Variants in ZNF385D observed in about 807,000 individuals in gnomAD.
ZNF385D encodes zinc finger protein 385D, also known as zinc finger protein 659.
ZNF385D carries 15 observed loss-of-function variants against 35.8 expected under a neutral mutation model. The observed-to-expected ratio is 0.42, with a 90% CI of 0.28 to 0.64. The LOEUF is 0.64. Among genes scored for constraint, ZNF385D ranks in the 30% least tolerant of loss-of-function variants. The probability of loss-of-function intolerance (pLI) is 0.23; values close to 1 mark genes in which losing one functional copy is unlikely to be tolerated. For synonymous variants in ZNF385D, 212 were observed against 186.8 expected (o/e 1.13, Z -1.10); for missense variants, 474 against 494.6 (o/e 0.96, Z 0.39).
chr3:22,365,917 G>A (rs1696636826), intron 2 of ZNF385D, among the ~76,000 whole-genome samples: 1 of 151,938 alleles, frequency 6.6e-6, no homozygotes, highest in Non-Finnish European at 1.5e-5. Flanking sequence ...TATTCCTGTA[G>A]GATTTATTGT....
Position 21,412,299 on chromosome 3 carries a change from G to A in ZNF385D, c.*8915C>T, listed in dbSNP as rs1047806922. On this transcript the variant is annotated 3_prime_UTR_variant, in exon 8 of 8. Coordinates refer to ENST00000281523, the MANE Select transcript of ZNF385D (RefSeq NM_024697.3). ...AATAGTCATGAGACGTGTTCTGTGAGTCACTACAATTCTCACTTGGCACTT... is the reference window on the plus strand; with the variant it reads ...AATAGTCATGAGACGTGTTCTGTGAATCACTACAATTCTCACTTGGCACTT... The A allele has an allele frequency of 9.9e-5, 15 of 152,028 alleles. No homozygotes were observed. The highest frequency in any genetic ancestry group is 9.8e-4 in the Admixed American group (15 of 15,252). The allele number at this position is 152,028 out of a possible 1,614,324, so 9.4% of individuals were successfully genotyped here.
chr3:22,062,268 C>T (rs999116410), intron 3 of ZNF385D, among the ~76,000 whole-genome samples: 24 of 152,040 alleles, frequency 1.6e-4, no homozygotes, highest in Middle Eastern at 3.4e-3. Flanking sequence ...GTTACCCAGG[C>T]GGACTTAAAC....
chr3:21,927,052 G>C (rs1000677228), intron 3 of ZNF385D, among the ~76,000 whole-genome samples: 1 of 152,086 alleles, frequency 6.6e-6, no homozygotes, highest in African/African-American at 2.4e-5. Flanking sequence ...TGTCATCTTT[G>C]CAGTAATGAG....
chr3:21,828,657 T>G (rs1559666464), intron 3 of ZNF385D, among the ~76,000 whole-genome samples: 1 of 152,206 alleles, frequency 6.6e-6, no homozygotes, highest in Non-Finnish European at 1.5e-5. Flanking sequence ...CCATCTTTGT[T>G]AGTTTCTTTT....
chr3:22,190,533 G>T (rs950666993), intron 2 of ZNF385D, among the ~76,000 whole-genome samples: 1 of 152,144 alleles, frequency 6.6e-6, no homozygotes, highest in South Asian at 2.1e-4. Flanking sequence ...GCAGCCACAA[G>T]TTCATAAAGT....
chr3:22,251,256 T>G (rs1249625090), intron 2 of ZNF385D, among the ~76,000 whole-genome samples: 1 of 152,154 alleles, frequency 6.6e-6, no homozygotes, highest in Non-Finnish European at 1.5e-5. Context: ...TTTACATAGG[T>G]GTCTACTGTA....
At chr3:22,266,196 T>A (rs553941248) in intron 2 of ZNF385D, among the ~76,000 whole-genome samples, 3 of 152,084 alleles carry the variant, frequency 2.0e-5, no homozygotes, top group South Asian at 2.1e-4. Context: ...ATTGTCTCTC[T>A]TGTTTGGAAG....
intron 3 of ZNF385D, among the ~76,000 whole-genome samples, chr3:21,850,475 T>A (rs1696314341): frequency 6.6e-6 from 1 of 152,074 alleles, no homozygotes; most frequent in Non-Finnish European, 1.5e-5. Context: ...TAGCCTGGAA[T>A]TTGTGAGGCA....
At chr3:22,024,746 T>C (rs544181914) in intron 3 of ZNF385D, among the ~76,000 whole-genome samples, 11 of 152,216 alleles carry the variant, frequency 7.2e-5, no homozygotes, top group Middle Eastern at 3.4e-3. Context: ...ATACATAATA[T>C]TTTTGACCAT....
chr3:21,737,853 G>T (rs2069320612), intron 1 of ZNF385D, among the ~76,000 whole-genome samples: 1 of 152,178 alleles, frequency 6.6e-6, no homozygotes, highest in African/African-American at 2.4e-5. Flanking sequence ...GCTCCATTTG[G>T]AAGAGTATGG....
intron 2 of ZNF385D, among the ~76,000 whole-genome samples, chr3:22,237,706 C>G (rs7610306): frequency 0.46 from 70,161 of 151,956 alleles, 19,058 homozygotes; most frequent in African/African-American, 0.76. Flanking sequence ...TGCAGTGGCA[C>G]GATCTCAGCT....
At chr3:21,653,883 C>T (rs1017284448) in intron 2 of ZNF385D, among the ~76,000 whole-genome samples, 1 of 151,902 alleles carries the variant, frequency 6.6e-6, no homozygotes, top group African/African-American at 2.4e-5. Flanking sequence ...TCTTATATCA[C>T]AGGTTTTTTG....
intron 2 of ZNF385D, among the ~76,000 whole-genome samples, chr3:22,239,947 C>T (rs1316921704): frequency 6.7e-6 from 1 of 150,020 alleles, no homozygotes; most frequent in Non-Finnish European, 1.5e-5. Context: ...GAGACCAAGA[C>T]AGGTGGATCA....
rs190689970 is a variant in ZNF385D, at chr3:22,247,013, A to T, written c.107-77978T>A. 4.0e-3 allele frequency among the ~76,000 whole-genome samples: 611 copies of T among 152,268 alleles called. 3 individuals carry two copies. The South Asian group carries it at 0.041, about 10-fold the overall frequency. On this transcript the variant is annotated intron_variant, in intron 2 of 5. Transcript: ENST00000494108. ...AAATTTAAACATTCACCATATACAC[A>T]AACAACTTCATTTATACACTAACTC...
intron 2 of ZNF385D, among the ~76,000 whole-genome samples, chr3:21,570,785 T>C (rs2063312125): frequency 6.6e-6 from 1 of 152,150 alleles, no homozygotes; most frequent in South Asian, 2.1e-4. Flanking sequence ...TCAGGCACCA[T>C]AATCAAGCTT....
intron 3 of ZNF385D, among the ~76,000 whole-genome samples, chr3:21,532,831 G>T (rs2061956040): frequency 6.6e-6 from 1 of 152,050 alleles, no homozygotes; most frequent in Non-Finnish European, 1.5e-5. Context: ...AGGTACTGTT[G>T]TATTTAAGAA....
chr3:22,043,692 G>T (rs919042424), intron 3 of ZNF385D, among the ~76,000 whole-genome samples: 5 of 149,668 alleles, frequency 3.3e-5, no homozygotes, highest in African/African-American at 1.2e-4. Context: ...GGGTCTTCAA[G>T]ACCTTGTTGC....
rs190328774 is a variant in ZNF385D, at chr3:22,183,602, C to T, written c.107-14567G>A. Among the ~76,000 whole-genome samples, 5 of 152,012 alleles carry T rather than the reference C, an allele frequency of 3.3e-5. No homozygotes were observed. The South Asian group carries it at 6.2e-4, about 19-fold the overall frequency. ...CAAACTCCTGACCTCGTGATTCACC[C>T]GCCTCGGCCTCCCGAGAATGGAAAG... On this transcript the variant is annotated intron_variant, in intron 2 of 5. Transcript: ENST00000494108.
chr3:22,018,242 T>C (rs540852027), intron 3 of ZNF385D, among the ~76,000 whole-genome samples: 38 of 151,804 alleles, frequency 2.5e-4, no homozygotes, highest in African/African-American at 8.7e-4. Flanking sequence ...GATATGTGTT[T>C]TTTTTTAAGA....
Sources: gnomAD v4.1 joint callset for allele counts (sites outside exome capture counted in the v4.1 genomes callset) on GRCh38, gnomAD v4.1.1 for gene constraint, MANE v1.5 for transcripts, NCBI Gene and HGNC (gene_info 2026-07-23, HGNC 2026-07-21) for gene names.